The following MAST4 variants were observed in gnomAD, a reference collection of about 807,000 sequenced individuals.
MAST4 encodes the protein microtubule associated serine/threonine kinase family member 4.
In MAST4, 89 loss-of-function variants were observed where a neutral mutation model predicts 162.7. That is an observed-to-expected ratio of 0.55 (90% confidence interval 0.46 to 0.65). The LOEUF (loss-of-function observed/expected upper bound fraction) is 0.65. MAST4 is among the 30% of genes least tolerant of loss of function. The probability of loss-of-function intolerance (pLI) is 0.00; values close to 1 mark genes in which losing one functional copy is unlikely to be tolerated. For synonymous variants in MAST4, 1,479 were observed against 1,361.1 expected, an observed-to-expected ratio of 1.09 and a Z score of -1.91; for missense variants, 3,153 against 3,374.0, an observed-to-expected ratio of 0.93 and a Z score of 1.62.
chr5:66,876,035 G>A (rs1211588395), intron 3 of MAST4, among the ~76,000 whole-genome samples: 1 of 152,126 alleles, frequency 6.6e-6, no homozygotes, highest in Non-Finnish European at 1.5e-5. Flanking sequence ...CCAAAGTGCT[G>A]GGATTACAGG....
chr5:67,140,390 G>A (rs1038666964), intron 19 of MAST4, among the ~76,000 whole-genome samples: 1 of 152,254 alleles, frequency 6.6e-6, no homozygotes, highest in African/African-American at 2.4e-5. Context: ...AGGGATAGGT[G>A]AGAGCAAGGA....
chr5:66,819,855 C>T (rs1462401788), intron 3 of MAST4, among the ~76,000 whole-genome samples: 1 of 150,684 alleles, frequency 6.6e-6, no homozygotes, highest in Non-Finnish European at 1.5e-5. Flanking sequence ...CTCACTGCTG[C>T]TTAGATCTCC....
intron 4 of MAST4, among the ~76,000 whole-genome samples, chr5:66,941,094 A>G (rs977077645): frequency 6.6e-6 from 1 of 152,122 alleles, no homozygotes; most frequent in African/African-American, 2.4e-5. Context: ...ATATGCTGTC[A>G]TCTAGGCTTT....
At chr5:66,998,681 C>A (rs1174946442) in intron 4 of MAST4, among the ~76,000 whole-genome samples, 1 of 152,118 alleles carries the variant, frequency 6.6e-6, no homozygotes, top group African/African-American at 2.4e-5. Context: ...CACCCCCAAT[C>A]CTTTCTCTAT....
At chr5:67,047,304 C>T (rs1357404893) in intron 4 of MAST4, among the ~76,000 whole-genome samples, 2 of 152,176 alleles carry the variant, frequency 1.3e-5, no homozygotes, top group South Asian at 2.1e-4. Context: ...CTGCTGCAGA[C>T]CTGCCTCCTG....
intron 3 of MAST4, among the ~76,000 whole-genome samples, chr5:66,888,089 TA>T (rs943083349): frequency 6.6e-6 from 1 of 151,686 alleles, no homozygotes; most frequent in Non-Finnish European, 1.5e-5. Context: ...GAAAATACTT[TA>T]AAAAAACTGT....
chr5:67,013,011 A>G (rs1020121514), intron 4 of MAST4, among the ~76,000 whole-genome samples: 27 of 152,328 alleles, frequency 1.8e-4, no homozygotes, highest in South Asian at 6.2e-4. Context: ...TCATTACTGT[A>G]TATCTCTTAT....
At position 66,970,574 on chromosome 5, in the gene MAST4, G is replaced by A. The variant is rs987291083; in HGVS notation, c.674+70592G>A. The stretch of plus-strand genomic sequence containing the variant: ...TTCCAGGCCCAGACAGCCATTCCAG[G>A]GCCATGTTGTTTGTCATGATGGTTT... On this transcript the variant is annotated intron_variant, in intron 4 of 28. Coordinates refer to ENST00000403625, the MANE Select transcript of MAST4 (RefSeq NM_001164664.2). 2.0e-5 allele frequency among the ~76,000 whole-genome samples: 3 copies of A among 152,066 alleles called. No homozygotes were observed. In the East Asian group the frequency reaches 5.8e-4, roughly 29 times the overall value.
chr5:66,709,748 A>G (rs535875107), intron 1 of MAST4, among the ~76,000 whole-genome samples: 3 of 152,338 alleles, frequency 2.0e-5, no homozygotes, highest in South Asian at 4.1e-4. Flanking sequence ...TTGGTCAAAT[A>G]TTATAAAAAA....
intron 10 of MAST4, among the ~76,000 whole-genome samples, chr5:67,107,660 G>A (rs1328818039): frequency 6.6e-6 from 1 of 152,160 alleles, no homozygotes; most frequent in Non-Finnish European, 1.5e-5. Context: ...TGCTCTGTAG[G>A]CCTATCTCCT....
At chr5:66,684,685 T>C (rs1748532706) in intron 1 of MAST4, among the ~76,000 whole-genome samples, 1 of 152,228 alleles carries the variant, frequency 6.6e-6, no homozygotes, top group Non-Finnish European at 1.5e-5. Flanking sequence ...TTGTGGGCTA[T>C]AAGCAGAGAG....
intron 5 of MAST4, among the ~76,000 whole-genome samples, chr5:67,064,867 TCAA>T (rs1024495552): frequency 1.3e-5 from 2 of 152,212 alleles, no homozygotes; most frequent in East Asian, 1.9e-4. Context: ...CTCAAAATAG[TCAA>T]CTTCTTGAAG....
chr5:66,656,515 G>C (rs1450645822), intron 1 of MAST4, among the ~76,000 whole-genome samples: 1 of 152,076 alleles, frequency 6.6e-6, no homozygotes, highest in South Asian at 2.1e-4. Context: ...CAGTCACAGG[G>C]TTATCTGGTC....
chr5:67,031,869 TGA>T (rs1255655985), intron 4 of MAST4, among the ~76,000 whole-genome samples: 1 of 152,124 alleles, frequency 6.6e-6, no homozygotes, highest in Non-Finnish European at 1.5e-5. Context: ...CCTTCTTTCG[TGA>T]GAGAACTAAT....
At chr5:67,025,641 G>A (rs1754546681) in intron 4 of MAST4, among the ~76,000 whole-genome samples, 1 of 152,146 alleles carries the variant, frequency 6.6e-6, no homozygotes, top group Non-Finnish European at 1.5e-5. Context: ...GCATAATTGA[G>A]GGGATGTTAT....
intron 4 of MAST4, among the ~76,000 whole-genome samples, chr5:66,965,056 GA>G (rs897202341): frequency 6.6e-6 from 1 of 152,074 alleles, no homozygotes; most frequent in African/African-American, 2.4e-5. Flanking sequence ...ATCGACTAGG[GA>G]AACAAATTAA....
In MAST4 at chr5:66,752,653, G is replaced by T. The variant is rs1327644706; in HGVS notation, c.364-7056G>T. ...CATCCAGATTCATAAAGCAAGTCCT[G>T]AGTGACCTACAAAGAGACTTAGACT... On this transcript the variant is annotated intron_variant, in intron 1 of 28. Coordinates refer to ENST00000403625, the MANE Select transcript of MAST4 (RefSeq NM_001164664.2). Among the ~76,000 whole-genome samples, 87 of 148,924 alleles carry T rather than the reference G, an allele frequency of 5.8e-4. 1 individual carries two copies. Among genetic ancestry groups the T allele is most frequent in the African/African-American group, 2.0e-3 (80 of 40,316 alleles).
chr5:66,598,044 A>T (rs1052838918), intron 1 of MAST4, among the ~76,000 whole-genome samples: 1 of 152,136 alleles, frequency 6.6e-6, no homozygotes, highest in African/African-American at 2.4e-5. Flanking sequence ...CTCATCTTGG[A>T]TGGGGTTAGC....
intron 3 of MAST4, among the ~76,000 whole-genome samples, chr5:66,899,535 G>C (rs1762880462): frequency 1.3e-5 from 2 of 152,168 alleles, no homozygotes; most frequent in Admixed American, 1.3e-4. Flanking sequence ...CAAATAGTTT[G>C]ATTTAATTGT....
Sources: allele counts gnomAD v4.1 joint callset (sites outside exome capture counted in the v4.1 genomes callset), GRCh38; gene constraint gnomAD v4.1.1; transcripts MANE v1.5; gene names NCBI Gene and HGNC (gene_info 2026-07-23, HGNC 2026-07-21).